The following LINGO2 variants were observed in gnomAD, a reference collection of about 807,000 sequenced individuals.
The protein encoded by LINGO2 is leucine rich repeat and Ig domain containing 2.
LINGO2 carries 14 observed loss-of-function variants against 30.6 expected under a neutral mutation model. That is an observed-to-expected ratio of 0.46 (90% CI 0.30 to 0.72). The LOEUF (loss-of-function observed/expected upper bound fraction) is 0.72, where lower values mean the gene tolerates loss of function less well. Ranked by LOEUF, LINGO2 falls within the 30% of genes least tolerant of loss-of-function variation. The pLI is 0.07. For synonymous variants in LINGO2, 317 were observed against 288.5 expected (o/e 1.10, Z -1.00); for missense variants, 729 against 751.7 (o/e 0.97, Z 0.35).
At chr9:28,228,337 A>T (rs898736158) in intron 4 of LINGO2, among the ~76,000 whole-genome samples, 1 of 152,004 alleles carries the variant, frequency 6.6e-6, no homozygotes, top group Non-Finnish European at 1.5e-5. Flanking sequence ...CTAACTTTCT[A>T]TATAGCTTCT....
At chr9:29,123,369 C>T in the LINGO2 span, among the ~76,000 whole-genome samples, 8 of 151,960 alleles carry the variant, frequency 5.3e-5, no homozygotes, top group Non-Finnish European at 1.0e-4. Context: ...ACACTCCACA[C>T]GTTGACACTG....
At chr9:28,645,430 A>G (rs961454095) in intron 1 of LINGO2, among the ~76,000 whole-genome samples, 2 of 152,160 alleles carry the variant, frequency 1.3e-5, no homozygotes, top group East Asian at 1.9e-4. Context: ...AAAACAAAAC[A>G]AAGTCCACCT....
chr9:28,035,652 A>G lies in LINGO2; in HGVS notation c.-86-23247T>C, dbSNP rs940821844. 3.2e-4 allele frequency among the ~76,000 whole-genome samples: 48 copies of G among 152,188 alleles called. 1 individual carries two copies. The highest frequency in any genetic ancestry group is 7.3e-5 in the Non-Finnish European group (5 of 68,034). On this transcript the variant is annotated intron_variant, in intron 4 of 5. Coordinates refer to ENST00000379992, the Ensembl canonical transcript of LINGO2. ...AGTATCTTGTTGACTTTTGTTTCAGAGAAAACATTTTTAAAATTCTATGAA... is the reference window on the plus strand; with the variant it reads ...AGTATCTTGTTGACTTTTGTTTCAGGGAAAACATTTTTAAAATTCTATGAA...
At chr9:28,663,766 C>T (rs1828679446) in intron 1 of LINGO2, among the ~76,000 whole-genome samples, 1 of 152,136 alleles carries the variant, frequency 6.6e-6, no homozygotes, top group Non-Finnish European at 1.5e-5. Context: ...CCCTTCACTT[C>T]CCCTGTCTGC....
At chr9:28,217,661 G>T (rs1364800172) in intron 4 of LINGO2, among the ~76,000 whole-genome samples, 2 of 151,630 alleles carry the variant, frequency 1.3e-5, no homozygotes, top group South Asian at 2.1e-4. Flanking sequence ...TTATTGCCTT[G>T]ATGTCCAAAA....
chr9:28,929,939 G>A, the LINGO2 span, among the ~76,000 whole-genome samples: 3 of 152,132 alleles, frequency 2.0e-5, no homozygotes, highest in Non-Finnish European at 4.4e-5. Flanking sequence ...TGAGAAGATT[G>A]TTTGTTTTTA....
Position 28,481,626 on chromosome 9 carries a change from A to T in LINGO2, c.-364-5601T>A, listed in dbSNP as rs560088542. Among the ~76,000 whole-genome samples, 417 of 151,516 alleles carry T rather than the reference A, an allele frequency of 2.8e-3. 1 individual carries two copies. Among genetic ancestry groups the T allele is most frequent in the African/African-American group, 9.4e-3 (387 of 41,304 alleles). On this transcript the variant is annotated intron_variant, in intron 1 of 5. Coordinates refer to ENST00000379992, the Ensembl canonical transcript of LINGO2. The stretch of plus-strand genomic sequence containing the variant: ...GTTTTATTTATTTATTTATTTATTT[A>T]TTTTTTATTATTATACTTTAAGTTT...
intron 2 of LINGO2, among the ~76,000 whole-genome samples, chr9:28,463,485 T>C (rs1317687455): frequency 6.6e-6 from 1 of 152,092 alleles, no homozygotes; most frequent in Non-Finnish European, 1.5e-5. Flanking sequence ...ATAGGTATAC[T>C]AGGACTTTTC....
At chr9:28,935,302 G>A in the LINGO2 span, among the ~76,000 whole-genome samples, 1 of 151,962 alleles carries the variant, frequency 6.6e-6, no homozygotes, top group African/African-American at 2.4e-5. Flanking sequence ...ATTCTGACTA[G>A]TGATCTCAAA....
chr9:28,379,538 C>G lies in LINGO2; in HGVS notation c.-278-6670G>C, dbSNP rs1468948415. ...TTTCGAGTACTCCCCTGCCCTCCTC[C>G]CCAAAACAAAACCAGCACTCCCTAA... On this transcript the variant is annotated intron_variant, in intron 2 of 5. Coordinates refer to ENST00000379992, the Ensembl canonical transcript of LINGO2. Among the ~76,000 whole-genome samples, 3 of 152,030 alleles carry G rather than the reference C, an allele frequency of 2.0e-5. No individual in the cohort carries two copies. In the East Asian group the frequency reaches 5.8e-4, roughly 29 times the overall value.
the LINGO2 span, chr9:27,942,712 C>T: frequency 6.6e-6 from 1 of 151,888 alleles, no homozygotes; most frequent in Non-Finnish European, 1.5e-5. Context: ...AACACAGATA[C>T]ACATTCTGTC....
chr9:28,554,124 A>G (rs1822491133), intron 1 of LINGO2, among the ~76,000 whole-genome samples: 1 of 151,986 alleles, frequency 6.6e-6, no homozygotes, highest in South Asian at 2.1e-4. Context: ...CATCATAATG[A>G]CAGGATCAAA....
intron 4 of LINGO2, among the ~76,000 whole-genome samples, chr9:28,099,146 T>G (rs1220074673): frequency 3.3e-5 from 5 of 152,074 alleles, no homozygotes; most frequent in South Asian, 2.1e-4. Flanking sequence ...ATCTGAAAGC[T>G]CCACAAGGTT....
intron 1 of LINGO2, among the ~76,000 whole-genome samples, chr9:28,660,087 T>C (rs1828527736): frequency 6.6e-6 from 1 of 152,112 alleles, no homozygotes; most frequent in Admixed American, 6.6e-5. Flanking sequence ...GATTAAAAAC[T>C]GTAATGGAAC....
At chr9:28,414,174 AAG>A (rs2134834393) in intron 2 of LINGO2, among the ~76,000 whole-genome samples, 1 of 152,098 alleles carries the variant, frequency 6.6e-6, no homozygotes, top group South Asian at 2.1e-4. Context: ...AAAAAATAAT[AAG>A]ACTTTCAGAA....
intron 2 of LINGO2, among the ~76,000 whole-genome samples, chr9:28,443,792 C>G (rs755709201): frequency 6.6e-6 from 1 of 152,160 alleles, no homozygotes; most frequent in Non-Finnish European, 1.5e-5. Context: ...CCACAAACAG[C>G]ACGTTGATGG....
chr9:28,702,212 G>A, the LINGO2 span, among the ~76,000 whole-genome samples: 1 of 151,822 alleles, frequency 6.6e-6, no homozygotes, highest in Non-Finnish European at 1.5e-5. Context: ...ATCTTAGCTG[G>A]AAAGCTTCTA....
At chr9:28,878,308 T>C in the LINGO2 span, among the ~76,000 whole-genome samples, 742 of 152,218 alleles carry the variant, frequency 4.9e-3, 6 homozygotes, top group African/African-American at 0.017. Context: ...AATCTCCGAA[T>C]AGACCAATAA....
At chr9:28,829,805 G>A in the LINGO2 span, among the ~76,000 whole-genome samples, 6 of 152,168 alleles carry the variant, frequency 3.9e-5, no homozygotes, top group South Asian at 2.1e-4. Context: ...CAGGAGAGTC[G>A]CTTGAATTCA....
Sources: gnomAD v4.1 joint callset for allele counts (sites outside exome capture counted in the v4.1 genomes callset) on GRCh38, gnomAD v4.1.1 for gene constraint, MANE v1.5 for transcripts, NCBI Gene and HGNC (gene_info 2026-07-23, HGNC 2026-07-21) for gene names.